IMMP2L: variants seen among roughly 807,000 people sequenced by gnomAD.
IMMP2L encodes inner mitochondrial membrane peptidase subunit 2, also known as mitochondrial inner membrane protease subunit 2.
In IMMP2L, 18 loss-of-function variants were observed where a neutral mutation model predicts 19.3. The ratio of observed to expected loss-of-function variants is 0.93; its 90% CI spans 0.64 to 1.38. The LOEUF is 1.38. Among genes scored for constraint, IMMP2L ranks in the 40% most tolerant of loss-of-function variants. IMMP2L has a pLI of 0.00. For synonymous variants in IMMP2L, 76 were observed against 73.0 expected, an observed-to-expected ratio of 1.04 and a Z score of -0.21; for missense variants, 233 against 218.2, an observed-to-expected ratio of 1.07 and a Z score of -0.43.
intron 3 of IMMP2L, among the ~76,000 whole-genome samples, chr7:111,260,538 A>G (rs1406341911): frequency 6.6e-6 from 1 of 152,160 alleles, no homozygotes; most frequent in South Asian, 2.1e-4. Flanking sequence ...ATGTTAACTA[A>G]AACAACAAAG....
At chr7:111,036,261 C>T (rs770214818) in intron 3 of IMMP2L, among the ~76,000 whole-genome samples, 7 of 152,072 alleles carry the variant, frequency 4.6e-5, no homozygotes, top group Non-Finnish European at 8.8e-5. Flanking sequence ...ATAAACTGGG[C>T]CCCTTAATGA....
intron 1 of IMMP2L, among the ~76,000 whole-genome samples, chr7:111,543,617 T>G (rs189454381): frequency 1.3e-5 from 2 of 152,304 alleles, no homozygotes; most frequent in East Asian, 3.9e-4. Flanking sequence ...AAATTAAATT[T>G]TATTTGAGAG....
At chr7:111,102,060 T>C (rs188077661) in intron 3 of IMMP2L, among the ~76,000 whole-genome samples, 1 of 151,226 alleles carries the variant, frequency 6.6e-6, no homozygotes, top group Admixed American at 6.6e-5. Context: ...ATGAGTGAAC[T>C]CTACACTGCC....
At chr7:110,842,874 A>G (rs977679341) in intron 5 of IMMP2L, among the ~76,000 whole-genome samples, 1 of 152,194 alleles carries the variant, frequency 6.6e-6, no homozygotes, top group Non-Finnish European at 1.5e-5. Context: ...AATGGAAGAA[A>G]TTCATTAGAG....
chr7:111,470,798 C>T (rs949459140), intron 3 of IMMP2L, among the ~76,000 whole-genome samples: 3 of 150,536 alleles, frequency 2.0e-5, no homozygotes, highest in Non-Finnish European at 4.4e-5. Flanking sequence ...ATGGGTGCAG[C>T]ACACCAGCAT....
At chr7:111,025,788 G>A (rs1298718970) in intron 3 of IMMP2L, among the ~76,000 whole-genome samples, 2 of 152,046 alleles carry the variant, frequency 1.3e-5, no homozygotes, top group African/African-American at 4.8e-5. Flanking sequence ...TGGAATGAAT[G>A]GTATGAATAA....
intron 3 of IMMP2L, among the ~76,000 whole-genome samples, chr7:111,086,989 T>C (rs1431209750): frequency 6.6e-6 from 1 of 152,236 alleles, no homozygotes; most frequent in African/African-American, 2.4e-5. Flanking sequence ...CATTCATTTA[T>C]TTTACAAGTG....
chr7:110,695,327 G>T (rs1478854005), intron 5 of IMMP2L, among the ~76,000 whole-genome samples: 1 of 151,852 alleles, frequency 6.6e-6, no homozygotes, highest in Non-Finnish European at 1.5e-5. Context: ...AAGTGGCTGG[G>T]ATCATATGTG....
At chr7:110,770,537 T>C (rs1365570365) in intron 5 of IMMP2L, among the ~76,000 whole-genome samples, 1 of 152,214 alleles carries the variant, frequency 6.6e-6, no homozygotes, top group African/African-American at 2.4e-5. Flanking sequence ...TTACATTTCA[T>C]GCACTGTCTT....
chr7:110,687,570 A>T (rs1793203469), intron 5 of IMMP2L, among the ~76,000 whole-genome samples: 1 of 152,102 alleles, frequency 6.6e-6, no homozygotes, highest in African/African-American at 2.4e-5. Context: ...GACAAAAGGG[A>T]CCTATGAATT....
At chr7:111,176,051 C>A (rs1363046513) in intron 3 of IMMP2L, among the ~76,000 whole-genome samples, 1 of 152,006 alleles carries the variant, frequency 6.6e-6, no homozygotes, top group Non-Finnish European at 1.5e-5. Flanking sequence ...CAGAGAAATG[C>A]AAAGCGAAAC....
chr7:111,527,015 C>T (rs1328688639), intron 1 of IMMP2L, among the ~76,000 whole-genome samples: 3 of 152,126 alleles, frequency 2.0e-5, no homozygotes, highest in Non-Finnish European at 2.9e-5. Flanking sequence ...TGCTCTCCTA[C>T]ATTACTTCTA....
At chr7:110,830,007 G>A (rs1430828711) in intron 5 of IMMP2L, among the ~76,000 whole-genome samples, 1 of 152,088 alleles carries the variant, frequency 6.6e-6, no homozygotes, top group African/African-American at 2.4e-5. Context: ...GGGCATTGAG[G>A]ATACCAATGA....
chr7:111,029,752 T>C (rs755375441), intron 3 of IMMP2L, among the ~76,000 whole-genome samples: 2 of 152,192 alleles, frequency 1.3e-5, no homozygotes, highest in African/African-American at 2.4e-5. Context: ...TCATTTTCCA[T>C]ACCAGCTATA....
chr7:110,816,916 A>C (rs1182460111), intron 5 of IMMP2L, among the ~76,000 whole-genome samples: 2 of 152,034 alleles, frequency 1.3e-5, no homozygotes, highest in Non-Finnish European at 2.9e-5. Context: ...TTGACTCTTT[A>C]TCCAATTTGC....
chr7:111,451,370 T>C (rs1029837103), intron 3 of IMMP2L, among the ~76,000 whole-genome samples: 3 of 151,026 alleles, frequency 2.0e-5, no homozygotes, highest in Non-Finnish European at 2.9e-5. Flanking sequence ...CACCATGGAA[T>C]ACTATGCAGC....
intron 3 of IMMP2L, among the ~76,000 whole-genome samples, chr7:111,162,330 T>C (rs1487578064): frequency 6.6e-6 from 1 of 152,092 alleles, no homozygotes; most frequent in Non-Finnish European, 1.5e-5. Context: ...ATTTTACGAA[T>C]TTATTCCTGA....
At chr7:110,735,087 TCATGCCTGCAATGGAAATAACCGA>T (rs1796526366) in intron 5 of IMMP2L, among the ~76,000 whole-genome samples, 1 of 151,998 alleles carries the variant, frequency 6.6e-6, no homozygotes, top group Non-Finnish European at 1.5e-5. Flanking sequence ...ATAATAACCA[TCATGCCTGCAATGGAAATAACCGA>T]CATGCCTGCA....
intron 3 of IMMP2L, among the ~76,000 whole-genome samples, chr7:110,989,302 C>T (rs1473447635): frequency 2.6e-5 from 4 of 151,678 alleles, no homozygotes; most frequent in South Asian, 4.2e-4. Context: ...TTTAGGAGAC[C>T]GAAGTGGGAG....
Sources: gnomAD v4.1 joint callset for allele counts (sites outside exome capture counted in the v4.1 genomes callset) on GRCh38, gnomAD v4.1.1 for gene constraint, MANE v1.5 for transcripts, NCBI Gene and HGNC (gene_info 2026-07-23, HGNC 2026-07-21) for gene names.